Variants in PDE1C observed in about 807,000 individuals in gnomAD.
PDE1C encodes the protein phosphodiesterase 1C.
PDE1C carries 62 observed loss-of-function variants against 93.1 expected under a neutral mutation model. The ratio of observed to expected loss-of-function variants is 0.67; its 90% CI spans 0.54 to 0.82. The LOEUF (loss-of-function observed/expected upper bound fraction) is 0.82. Among genes scored for constraint, PDE1C ranks in the 40% least tolerant of loss-of-function variants. The pLI, the probability that PDE1C is intolerant of heterozygous loss-of-function variation, is 0.00. For missense variants in PDE1C, 742 were observed against 884.6 expected (o/e 0.84, Z 2.04); for synonymous variants, 325 against 310.1 (o/e 1.05, Z -0.50).
intron 2 of PDE1C, among the ~76,000 whole-genome samples, chr7:32,018,648 G>A (rs1788238302): frequency 6.6e-6 from 1 of 152,166 alleles, no homozygotes; most frequent in African/African-American, 2.4e-5. Flanking sequence ...ATTAGTGGTT[G>A]TGTAGAGTTA....
At chr7:31,763,025 C>T in intron 17 of PDE1C, among the ~76,000 whole-genome samples, 1 of 152,110 alleles carries the variant, frequency 6.6e-6, no homozygotes, top group Non-Finnish European at 1.5e-5. Flanking sequence ...CCAAGCCTTA[C>T]CCCCAGGAGT....
downstream of PDE1C, among the ~76,000 whole-genome samples, chr7:31,747,296 T>C (rs947005681): frequency 7.9e-5 from 12 of 152,218 alleles, no homozygotes; most frequent in African/African-American, 2.7e-4. Context: ...CTGCAAACTT[T>C]CTGAAAAATT....
intron 1 of PDE1C, among the ~76,000 whole-genome samples, chr7:32,233,412 G>T (rs1343220785): frequency 6.6e-6 from 1 of 152,086 alleles, no homozygotes; most frequent in African/African-American, 2.4e-5. Flanking sequence ...ACTTTAAAAT[G>T]ACCTAATTTA....
chr7:32,093,174 T>C (rs1466136352), intron 3 of PDE1C, among the ~76,000 whole-genome samples: 1 of 152,212 alleles, frequency 6.6e-6, no homozygotes, highest in African/African-American at 2.4e-5. Context: ...AATGACTGCC[T>C]AGAGGGTTTA....
intron 2 of PDE1C, among the ~76,000 whole-genome samples, chr7:31,965,097 T>A (rs141426028): frequency 0.077 from 11,762 of 152,218 alleles, 602 homozygotes; most frequent in Middle Eastern, 0.15. Flanking sequence ...AACGGAACAA[T>A]GCTGGACGGA....
intron 16 of PDE1C, 80 bp downstream of exon 16, chr7:31,808,951 T>C (rs1212769794): frequency 2.5e-6 from 2 of 795,956 alleles, no homozygotes; most frequent in Non-Finnish European, 4.3e-6. Flanking sequence ...AACCACTATT[T>C]CAATTTTGGG....
intron 1 of PDE1C, among the ~76,000 whole-genome samples, chr7:32,337,449 T>TTA (rs1352533021): frequency 6.6e-6 from 1 of 152,140 alleles, no homozygotes. Context: ...ATGAAAAAAA[T>TTA]TATATTAAAA....
At chr7:32,021,487 T>C (rs762546434) in intron 2 of PDE1C, among the ~76,000 whole-genome samples, 1 of 152,112 alleles carries the variant, frequency 6.6e-6, no homozygotes, top group Non-Finnish European at 1.5e-5. Context: ...TTCTTGTTTA[T>C]CATTTATCAA....
At chr7:32,418,311 C>A (rs1328193333) in intron 1 of PDE1C, among the ~76,000 whole-genome samples, 1 of 152,148 alleles carries the variant, frequency 6.6e-6, no homozygotes, top group East Asian at 1.9e-4. Context: ...TCAAGTAAGA[C>A]CCCCGTACTC....
Position 32,097,952 on chromosome 7 carries a change from C to T in PDE1C, c.308+71833G>A, listed in dbSNP as rs538513911. Reference sequence around the variant, plus strand: ...AGCCCTTTAAAGACATAAATCCGGCCGGGCGCGGTGGCTCACGCCTGTAAT... The same window carrying T: ...AGCCCTTTAAAGACATAAATCCGGCTGGGCGCGGTGGCTCACGCCTGTAAT... On this transcript the variant is annotated intron_variant, in intron 3 of 18. Coordinates refer to the PDE1C transcript ENST00000396193. Among the ~76,000 whole-genome samples, 60 of 149,864 alleles carry T rather than the reference C, an allele frequency of 4.0e-4. 2 individuals are homozygous for T. Among genetic ancestry groups the T allele is most frequent in the African/African-American group, 1.5e-3 (58 of 39,310 alleles).
At chr7:32,341,388 G>C (rs1783753061) in intron 1 of PDE1C, among the ~76,000 whole-genome samples, 1 of 150,496 alleles carries the variant, frequency 6.6e-6, no homozygotes, top group African/African-American at 2.4e-5. Flanking sequence ...TGTTAGCCAG[G>C]ATGGTCTCGA....
chr7:31,641,221 A>G, the PDE1C span, among the ~76,000 whole-genome samples: 5 of 152,206 alleles, frequency 3.3e-5, no homozygotes, highest in African/African-American at 1.2e-4. Context: ...ACTCTTCGTC[A>G]GCAGTTGTTC....
chr7:31,813,416 T>A (rs1787799155), intron 15 of PDE1C, among the ~76,000 whole-genome samples: 1 of 152,122 alleles, frequency 6.6e-6, no homozygotes, highest in Non-Finnish European at 1.5e-5. Flanking sequence ...TAAATTCATT[T>A]CAGAGCAAAA....
At chr7:31,895,989 C>CATACATA (rs1554399921) in intron 2 of PDE1C, among the ~76,000 whole-genome samples, 1 of 29,994 alleles carries the variant, frequency 3.3e-5, no homozygotes, top group Non-Finnish European at 9.8e-5. Flanking sequence ...ATACACTCTC[C>CATACATA]CTTACATACA....
At chr7:31,912,895 A>T (rs1003652872) in intron 2 of PDE1C, among the ~76,000 whole-genome samples, 3 of 152,100 alleles carry the variant, frequency 2.0e-5, no homozygotes, top group Non-Finnish European at 4.4e-5. Context: ...ATTTTATTTC[A>T]TATATTAGTA....
intron 2 of PDE1C, among the ~76,000 whole-genome samples, chr7:31,929,778 C>A (rs1048064731): frequency 6.6e-6 from 1 of 152,086 alleles, no homozygotes; most frequent in African/African-American, 2.4e-5. Context: ...TGGCACACGG[C>A]TAAAGCAATG....
intron 1 of PDE1C, among the ~76,000 whole-genome samples, chr7:32,224,913 A>C (rs1176613248): frequency 6.6e-6 from 1 of 152,100 alleles, no homozygotes; most frequent in Non-Finnish European, 1.5e-5. Flanking sequence ...GGGCAGGAAA[A>C]ACCCAGCTAT....
intron 2 of PDE1C, among the ~76,000 whole-genome samples, chr7:31,992,114 G>A (rs1468184376): frequency 6.6e-6 from 1 of 152,230 alleles, no homozygotes; most frequent in Non-Finnish European, 1.5e-5. Context: ...TCCCCAGTGG[G>A]ATCCCATGCA....
chr7:32,237,762 A>ATATATATATATATAT, intron 1 of PDE1C, among the ~76,000 whole-genome samples: 1 of 35,110 alleles, frequency 2.8e-5, no homozygotes, highest in African/African-American at 1.1e-4. Context: ...ATATATATAT[A>ATATATATATATATAT]CTTTTTTTTT....
Sources: allele counts gnomAD v4.1 joint callset (sites outside exome capture counted in the v4.1 genomes callset), GRCh38; gene constraint gnomAD v4.1.1; transcripts MANE v1.5; gene names NCBI Gene and HGNC (gene_info 2026-07-23, HGNC 2026-07-21).